KCNN2: variants seen among roughly 807,000 people sequenced by gnomAD.
The protein encoded by KCNN2 is small conductance calcium-activated potassium channel protein 2.
A neutral mutation model predicts 55.5 loss-of-function variants in KCNN2; 24 were observed. The observed-to-expected ratio is 0.43, with a 90% CI of 0.31 to 0.61. The LOEUF is 0.61. Among genes scored for constraint, KCNN2 ranks in the 20% least tolerant of loss-of-function variants. The pLI, the probability that KCNN2 is intolerant of heterozygous loss-of-function variation, is 0.08. For missense variants in KCNN2, 754 were observed against 853.6 expected (o/e 0.88, Z 1.45); for synonymous variants, 431 against 336.1 (o/e 1.28, Z -3.09).
chr5:114,213,198 CAT>C (rs1753925341), intron 1 of KCNN2, among the ~76,000 whole-genome samples: 1 of 151,968 alleles, frequency 6.6e-6, no homozygotes, highest in African/African-American at 2.4e-5. Flanking sequence ...TCCCTGAACT[CAT>C]ATTTCATGAT....
intron 3 of KCNN2, among the ~76,000 whole-genome samples, chr5:114,447,042 G>A (rs1218740555): frequency 6.6e-6 from 1 of 152,170 alleles, no homozygotes; most frequent in Non-Finnish European, 1.5e-5. Context: ...CACAGATATT[G>A]AATATTTTCA....
chr5:114,221,414 G>A (rs935199906), intron 1 of KCNN2, among the ~76,000 whole-genome samples: 1 of 152,070 alleles, frequency 6.6e-6, no homozygotes, highest in African/African-American at 2.4e-5. Flanking sequence ...ACAATACAAA[G>A]CTATTATTTA....
chr5:114,338,388 T>A (rs1275115566), intron 2 of KCNN2, among the ~76,000 whole-genome samples: 1 of 152,220 alleles, frequency 6.6e-6, no homozygotes, highest in Admixed American at 6.5e-5. Flanking sequence ...AGTTTTTGAA[T>A]ATTTGGGGGC....
intron 2 of KCNN2, among the ~76,000 whole-genome samples, chr5:114,400,462 A>C (rs1290695148): frequency 6.6e-6 from 1 of 152,186 alleles, no homozygotes; most frequent in Non-Finnish European, 1.5e-5. Flanking sequence ...TGTTTTCCCC[A>C]GAGCAGTATG....
chr5:114,269,153 T>C (rs542191790), intron 2 of KCNN2, among the ~76,000 whole-genome samples: 70 of 152,294 alleles, frequency 4.6e-4, no homozygotes, highest in Admixed American at 2.0e-3. Flanking sequence ...CAAGTTTTTC[T>C]AAGCAGTTAG....
chr5:114,413,385 A>G (rs1759195015), intron 3 of KCNN2, among the ~76,000 whole-genome samples: 1 of 152,106 alleles, frequency 6.6e-6, no homozygotes, highest in Non-Finnish European at 1.5e-5. Context: ...CCTGCGTTCA[A>G]GCGATTCTCC....
At chr5:114,441,172 A>G (rs146783634) in intron 3 of KCNN2, among the ~76,000 whole-genome samples, 1 of 152,322 alleles carries the variant, frequency 6.6e-6, no homozygotes, top group East Asian at 1.9e-4. Context: ...ATATTTAATT[A>G]TATAGCCTCA....
chr5:114,103,981 A>G (rs1459671712), intron 1 of KCNN2, among the ~76,000 whole-genome samples: 1 of 151,938 alleles, frequency 6.6e-6, no homozygotes, highest in African/African-American at 2.4e-5. Flanking sequence ...TATTGCTTGG[A>G]ATAGTTTCAG....
At chr5:114,356,190 C>A (rs1358465427) in intron 2 of KCNN2, among the ~76,000 whole-genome samples, 1 of 152,128 alleles carries the variant, frequency 6.6e-6, no homozygotes, top group Non-Finnish European at 1.5e-5. Flanking sequence ...CTAGCTATGT[C>A]ACCTTGGGTA....
intron 1 of KCNN2, among the ~76,000 whole-genome samples, chr5:114,142,929 C>G (rs543149360): frequency 1.1e-3 from 165 of 152,282 alleles, no homozygotes; most frequent in African/African-American, 3.8e-3. Flanking sequence ...GCCAAAAGAA[C>G]AAAGCTGGAG....
intron 1 of KCNN2, among the ~76,000 whole-genome samples, chr5:114,137,188 C>A (rs532246753): frequency 1.2e-4 from 18 of 152,238 alleles, no homozygotes; most frequent in Non-Finnish European, 1.9e-4. Context: ...ATGCACAGGT[C>A]ATGAAGTCCC....
At chr5:114,441,957 A>G (rs1390956655) in intron 3 of KCNN2, among the ~76,000 whole-genome samples, 2 of 152,214 alleles carry the variant, frequency 1.3e-5, no homozygotes, top group African/African-American at 4.8e-5. Flanking sequence ...TGCTGTATTC[A>G]TAGAAAAAAT....
intron 2 of KCNN2, among the ~76,000 whole-genome samples, chr5:114,326,383 A>G (rs527322251): frequency 1.3e-5 from 2 of 152,258 alleles, no homozygotes; most frequent in East Asian, 1.9e-4. Context: ...GTGGCTGGAT[A>G]TTGGGTGCTC....
intron 2 of KCNN2, among the ~76,000 whole-genome samples, chr5:114,294,417 A>G (rs1755964092): frequency 6.6e-6 from 1 of 152,040 alleles, no homozygotes. Context: ...GGTTTCAAAG[A>G]ACATCTTTAT....
intron 2 of KCNN2, among the ~76,000 whole-genome samples, chr5:114,267,640 C>G (rs1344043516): frequency 6.6e-6 from 1 of 152,044 alleles, no homozygotes; most frequent in Non-Finnish European, 1.5e-5. Context: ...AAGCAGAGAA[C>G]AAGTTCTGTT....
intron 2 of KCNN2, among the ~76,000 whole-genome samples, chr5:114,264,783 G>A (rs4259162): frequency 0.85 from 129,907 of 152,206 alleles, 55,545 homozygotes; most frequent in East Asian, 0.94. Flanking sequence ...CCCCAGGGCA[G>A]CATGCCACCA....
intron 2 of KCNN2, among the ~76,000 whole-genome samples, chr5:114,312,014 G>A (rs959595953): frequency 3.9e-5 from 6 of 152,124 alleles, no homozygotes; most frequent in Non-Finnish European, 5.9e-5. Context: ...TTATTTACCT[G>A]TTATCCACTT....
At chr5:114,405,457 C>A (rs1758902463) in intron 3 of KCNN2, among the ~76,000 whole-genome samples, 2 of 152,144 alleles carry the variant, frequency 1.3e-5, no homozygotes, top group Non-Finnish European at 2.9e-5. Flanking sequence ...GGCATATATT[C>A]TCAGATTTCA....
At chr5:114,132,278 T>G (rs1250669666) in intron 1 of KCNN2, among the ~76,000 whole-genome samples, 1 of 152,216 alleles carries the variant, frequency 6.6e-6, no homozygotes, top group Non-Finnish European at 1.5e-5. Context: ...TACATTTAAG[T>G]CTTTAATCCC....
Sources: allele counts gnomAD v4.1 joint callset (sites outside exome capture counted in the v4.1 genomes callset), GRCh38; gene constraint gnomAD v4.1.1; transcripts MANE v1.5; gene names NCBI Gene and HGNC (gene_info 2026-07-23, HGNC 2026-07-21).